DPP6: variants seen among roughly 807,000 people sequenced by gnomAD.
The protein encoded by DPP6 is A-type potassium channel modulatory protein DPP6.
DPP6 carries 69 observed loss-of-function variants against 122.6 expected under a neutral mutation model. The observed-to-expected ratio is 0.56, with a 90% CI of 0.46 to 0.69. The LOEUF is 0.69. DPP6 is among the 30% of genes least tolerant of loss of function. The pLI is 0.00. For missense variants in DPP6, 928 were observed against 1,116.9 expected, an observed-to-expected ratio of 0.83 and a Z score of 2.41; for synonymous variants, 418 against 433.1, an observed-to-expected ratio of 0.97 and a Z score of 0.43.
intron 1 of DPP6, among the ~76,000 whole-genome samples, chr7:153,967,227 G>A (rs1235180304): frequency 3.3e-5 from 5 of 152,116 alleles, no homozygotes; most frequent in Non-Finnish European, 7.3e-5. Flanking sequence ...GATGCTGGTG[G>A]CTTTGGGCTT....
At chr7:154,887,245 C>T (rs1460215109) in intron 22 of DPP6, among the ~76,000 whole-genome samples, 3 of 152,176 alleles carry the variant, frequency 2.0e-5, no homozygotes, top group Non-Finnish European at 2.9e-5. Flanking sequence ...CCCAGCTGAC[C>T]GCAGGGCCTC....
chr7:154,544,010 A>AT lies in DPP6; in HGVS notation c.552+3384_552+3385insT, dbSNP rs1460850124. 7.7e-3 allele frequency among the ~76,000 whole-genome samples: 1,152 copies of AT among 149,494 alleles called. 17 individuals carry two copies. Among genetic ancestry groups the AT allele is most frequent in the African/African-American group, 0.025 (1,032 of 40,692 alleles). Reference sequence around the variant, plus strand: ...CTCCATCTCAAAAAAAAAAAAAAAAAAAAGAGTTTCTGTATGTGTAAACAT... The same window carrying AT: ...CTCCATCTCAAAAAAAAAAAAAAAAATAAAGAGTTTCTGTATGTGTAAACAT... On this transcript the variant is annotated intron_variant, in intron 4 of 25. Coordinates refer to ENST00000377770, the MANE Select transcript of DPP6 (RefSeq NM_130797.4).
chr7:153,753,034 T>C, the DPP6 span, among the ~76,000 whole-genome samples: 1 of 152,212 alleles, frequency 6.6e-6, no homozygotes, highest in South Asian at 2.1e-4. Context: ...TAATAATTCT[T>C]TGTATTACTT....
chr7:154,522,164 C>T (rs1457574409), intron 3 of DPP6, among the ~76,000 whole-genome samples: 2 of 151,962 alleles, frequency 1.3e-5, no homozygotes, highest in Admixed American at 6.6e-5. Flanking sequence ...TTAGTAGAGA[C>T]GGGGTTTCAC....
At chr7:153,857,492 A>T in the DPP6 span, among the ~76,000 whole-genome samples, 1 of 152,180 alleles carries the variant, frequency 6.6e-6, no homozygotes, top group Non-Finnish European at 1.5e-5. Context: ...CTCTGCGCAG[A>T]CACTGCTTAC....
intron 1 of DPP6, among the ~76,000 whole-genome samples, chr7:154,110,910 G>A (rs1806524840): frequency 6.6e-6 from 1 of 151,932 alleles, no homozygotes; most frequent in Non-Finnish European, 1.5e-5. Flanking sequence ...GGCTTAGAAT[G>A]AGCAGTTTTA....
At chr7:154,046,550 C>T (rs1800025630) in intron 1 of DPP6, among the ~76,000 whole-genome samples, 1 of 152,196 alleles carries the variant, frequency 6.6e-6, no homozygotes, top group African/African-American at 2.4e-5. Context: ...ATCACATGCT[C>T]CGCTATATTA....
At chr7:153,959,050 C>G (rs1274774701) in intron 1 of DPP6, among the ~76,000 whole-genome samples, 2 of 152,010 alleles carry the variant, frequency 1.3e-5, no homozygotes, top group Non-Finnish European at 2.9e-5. Flanking sequence ...CATTTGGTGG[C>G]AAAAATTAAT....
At chr7:154,325,958 A>G (rs752537994) in intron 1 of DPP6, among the ~76,000 whole-genome samples, 5 of 152,256 alleles carry the variant, frequency 3.3e-5, no homozygotes, top group Middle Eastern at 3.4e-3. Context: ...CTTAAACCTG[A>G]CACTTTTATT....
intron 1 of DPP6, among the ~76,000 whole-genome samples, chr7:153,920,067 C>T (rs1011876493): frequency 7.2e-5 from 11 of 152,170 alleles, no homozygotes; most frequent in African/African-American, 2.7e-4. Context: ...AAATGTACCT[C>T]ATGGAAATCA....
chr7:154,520,536 C>T lies in DPP6; in HGVS notation c.458-19996C>T, dbSNP rs369223008. Among the ~76,000 whole-genome samples, 22 of 152,360 alleles carry T rather than the reference C, an allele frequency of 1.4e-4. No individual in the cohort carries two copies. The South Asian group carries it at 1.9e-3, about 13-fold the overall frequency. On this transcript the variant is annotated intron_variant, in intron 3 of 25. Coordinates refer to ENST00000377770, the MANE Select transcript of DPP6 (RefSeq NM_130797.4). ...CTTTCCAACAATCTGTCCCTTACGCCTGGAGCTTTTTGTCACCGTTGTGTT... is the reference window on the plus strand; with the variant it reads ...CTTTCCAACAATCTGTCCCTTACGCTTGGAGCTTTTTGTCACCGTTGTGTT...
intron 1 of DPP6, among the ~76,000 whole-genome samples, chr7:154,162,639 A>G (rs1797040504): frequency 1.3e-5 from 2 of 151,664 alleles, no homozygotes; most frequent in South Asian, 2.1e-4. Context: ...TGGAATCTGC[A>G]TTGCTAACAT....
intron 3 of DPP6, among the ~76,000 whole-genome samples, chr7:154,520,356 C>A (rs900133221): frequency 6.6e-6 from 1 of 152,242 alleles, no homozygotes; most frequent in African/African-American, 2.4e-5. Flanking sequence ...ATCATAAAAG[C>A]CTTCCTGCTA....
the DPP6 span, among the ~76,000 whole-genome samples, chr7:153,783,958 T>C: frequency 6.6e-6 from 1 of 152,244 alleles, no homozygotes; most frequent in African/African-American, 2.4e-5. Flanking sequence ...CATGGAGGAA[T>C]CTCATAGTCA....
At chr7:154,273,251 T>A (rs1033939309) in intron 1 of DPP6, among the ~76,000 whole-genome samples, 3 of 152,074 alleles carry the variant, frequency 2.0e-5, no homozygotes, top group Admixed American at 6.5e-5. Context: ...CCCGACACTA[T>A]GGTGAAGGAG....
chr7:154,317,488 G>T (rs1585918308), intron 1 of DPP6, among the ~76,000 whole-genome samples: 1 of 152,162 alleles, frequency 6.6e-6, no homozygotes, highest in Non-Finnish European at 1.5e-5. Context: ...CTCTACTATG[G>T]TGTATTCATT....
At chr7:154,348,667 T>C (rs1810596967) in intron 1 of DPP6, among the ~76,000 whole-genome samples, 1 of 152,198 alleles carries the variant, frequency 6.6e-6, no homozygotes, top group Non-Finnish European at 1.5e-5. Flanking sequence ...CTCTTCTCGG[T>C]TGCATAATTG....
At chr7:154,352,148 T>C (rs1321011868) in intron 1 of DPP6, among the ~76,000 whole-genome samples, 2 of 151,740 alleles carry the variant, frequency 1.3e-5, no homozygotes, top group African/African-American at 2.4e-5. Context: ...CCTTTTGGAG[T>C]GTCTTGGGTT....
the DPP6 span, among the ~76,000 whole-genome samples, chr7:153,813,748 G>A: frequency 7.3e-5 from 11 of 151,474 alleles, no homozygotes; most frequent in South Asian, 2.1e-4. Flanking sequence ...TCTCATTGTG[G>A]TTTTGATTTG....
Sources: gnomAD v4.1 joint callset for allele counts (sites outside exome capture counted in the v4.1 genomes callset) on GRCh38, gnomAD v4.1.1 for gene constraint, MANE v1.5 for transcripts, NCBI Gene and HGNC (gene_info 2026-07-23, HGNC 2026-07-21) for gene names.